Variants in TTC28 observed in about 807,000 individuals in gnomAD.
TTC28 encodes the protein tetratricopeptide repeat protein 28.
Under a neutral mutation model 198.0 loss-of-function variants are expected in TTC28, and 61 were observed. That is an observed-to-expected ratio of 0.31 (90% CI 0.25 to 0.38). The LOEUF is 0.38. TTC28 is among the 10% of genes least tolerant of loss of function. The pLI, the probability that TTC28 is intolerant of heterozygous loss-of-function variation, is 1.00. For missense variants in TTC28, 2,678 were observed against 3,164.0 expected, an observed-to-expected ratio of 0.85 and a Z score of 3.69; for synonymous variants, 1,171 against 1,297.8, an observed-to-expected ratio of 0.90 and a Z score of 2.10.
At chr22:28,522,944 C>G (rs9625489) in intron 2 of TTC28, among the ~76,000 whole-genome samples, 2,722 of 151,776 alleles carry the variant, frequency 0.018, 49 homozygotes, top group Non-Finnish European at 0.025. Context: ...TGATAAAAAT[C>G]TTCTGGAATT....
chr22:28,554,598 C>T (rs979889430), intron 2 of TTC28, among the ~76,000 whole-genome samples: 23 of 152,286 alleles, frequency 1.5e-4, no homozygotes, highest in African/African-American at 5.5e-4. Flanking sequence ...AGGTCTGGCA[C>T]AGACACTCAC....
intron 6 of TTC28, among the ~76,000 whole-genome samples, chr22:28,117,930 A>G (rs1942676166): frequency 6.6e-6 from 1 of 152,218 alleles, no homozygotes; most frequent in Non-Finnish European, 1.5e-5. Flanking sequence ...AAAAATAACT[A>G]AAAAGAGTAT....
intron 5 of TTC28, among the ~76,000 whole-genome samples, chr22:28,213,860 C>A (rs545655565): frequency 6.6e-6 from 1 of 152,110 alleles, no homozygotes; most frequent in Non-Finnish European, 1.5e-5. Flanking sequence ...GGAGGCATCA[C>A]GCTACCCGAC....
At chr22:28,580,630 C>T (rs1439656094) in intron 2 of TTC28, among the ~76,000 whole-genome samples, 3 of 152,106 alleles carry the variant, frequency 2.0e-5, no homozygotes, top group Non-Finnish European at 4.4e-5. Flanking sequence ...TTACCAAATA[C>T]CAGTAAGATA....
chr22:28,493,366 T>A (rs533755286), intron 2 of TTC28, among the ~76,000 whole-genome samples: 36 of 151,600 alleles, frequency 2.4e-4, no homozygotes, highest in African/African-American at 4.6e-4. Context: ...AAAAAAAAAA[T>A]TTTTTTAATT....
chr22:28,085,976 A>T (rs570660153), intron 12 of TTC28, among the ~76,000 whole-genome samples: 1 of 152,198 alleles, frequency 6.6e-6, no homozygotes, highest in Admixed American at 6.6e-5. Context: ...CCTAAAATAT[A>T]TATGCACCCA....
At chr22:28,509,057 G>A (rs1167282348) in intron 2 of TTC28, among the ~76,000 whole-genome samples, 1 of 152,078 alleles carries the variant, frequency 6.6e-6, no homozygotes, top group Non-Finnish European at 1.5e-5. Flanking sequence ...TGAGCACAGT[G>A]GCATGTGCCT....
In TTC28 at chr22:28,572,976, C is replaced by T. The variant is rs368538709; in HGVS notation, c.381+56576G>A. Among the ~76,000 whole-genome samples, 61 of 151,964 alleles carry T rather than the reference C, an allele frequency of 4.0e-4. No individual in the cohort carries two copies. In the East Asian group the frequency reaches 5.6e-3, roughly 14 times the overall value. Reference sequence around the variant, plus strand: ...CCAGCCTGAGCAACACAGGGAGACCCTATGTCTACAAAAAGTTAAAAAATT... The same window carrying T: ...CCAGCCTGAGCAACACAGGGAGACCTTATGTCTACAAAAAGTTAAAAAATT... On this transcript the variant is annotated intron_variant, in intron 2 of 22. Transcript: ENST00000397906.
chr22:28,653,903 TAAG>T (rs1484968131), intron 1 of TTC28, among the ~76,000 whole-genome samples: 2 of 152,244 alleles, frequency 1.3e-5, no homozygotes, highest in African/African-American at 4.8e-5. Flanking sequence ...GAAAATGACG[TAAG>T]AAGACACTTA....
chr22:28,074,583 C>G (rs927234367), intron 12 of TTC28, among the ~76,000 whole-genome samples: 2 of 152,208 alleles, frequency 1.3e-5, no homozygotes, highest in African/African-American at 4.8e-5. Flanking sequence ...GGCCCCTGCC[C>G]TATGACACAG....
intron 13 of TTC28, among the ~76,000 whole-genome samples, chr22:28,016,918 G>C (rs571466312): frequency 6.6e-6 from 1 of 152,342 alleles, no homozygotes; most frequent in Admixed American, 6.5e-5. Context: ...GTCTGGGCAG[G>C]GTACCCCTAC....
At chr22:28,382,591 A>G (rs946513326) in intron 2 of TTC28, among the ~76,000 whole-genome samples, 1 of 152,228 alleles carries the variant, frequency 6.6e-6, no homozygotes, top group Non-Finnish European at 1.5e-5. Context: ...AAATGCAACA[A>G]CATTAGATCA....
intron 12 of TTC28, among the ~76,000 whole-genome samples, chr22:28,089,811 G>T (rs1274758847): frequency 6.6e-6 from 1 of 151,350 alleles, no homozygotes; most frequent in Non-Finnish European, 1.5e-5. Flanking sequence ...CCTGTCCTTT[G>T]TAGGGACATG....
chr22:28,663,299 A>C (rs1236810070), intron 1 of TTC28, among the ~76,000 whole-genome samples: 1 of 151,582 alleles, frequency 6.6e-6, no homozygotes, highest in Non-Finnish European at 1.5e-5. Flanking sequence ...AGGAGCCAAG[A>C]TGGCCGAATA....
chr22:28,413,658 C>A lies in TTC28; in HGVS notation c.382-107015G>T, dbSNP rs193174260. ...TTAAATTTATAATGCAGGAGAAATG[C>A]CTTACATTTAAAAACACTCTGTCAA... On this transcript the variant is annotated intron_variant, in intron 2 of 22. Coordinates refer to ENST00000397906, the MANE Select transcript of TTC28 (RefSeq NM_001145418.2). Among the ~76,000 whole-genome samples, 221 of 152,058 alleles carry A rather than the reference C, an allele frequency of 1.5e-3. 2 individuals are homozygous for A. Among genetic ancestry groups the A allele is most frequent in the Non-Finnish European group, 6.5e-4 (44 of 67,986 alleles).
chr22:28,284,587 G>A (rs1200107778), intron 5 of TTC28, among the ~76,000 whole-genome samples: 3 of 151,960 alleles, frequency 2.0e-5, no homozygotes, highest in East Asian at 1.9e-4. Context: ...GGCAATCTAC[G>A]GAATGGCAGA....
At chr22:28,646,843 G>A (rs976262672) in intron 1 of TTC28, among the ~76,000 whole-genome samples, 7 of 152,096 alleles carry the variant, frequency 4.6e-5, no homozygotes, top group African/African-American at 9.7e-5. Context: ...CAGCCTGGGC[G>A]ACAGAACGAA....
intron 12 of TTC28, among the ~76,000 whole-genome samples, chr22:28,067,388 A>G (rs12166938): frequency 0.067 from 10,169 of 152,268 alleles, 394 homozygotes; most frequent in South Asian, 0.089. Context: ...GAATATTTCA[A>G]TAATTAGGTT....
chr22:28,160,912 G>A (rs1284309713), intron 6 of TTC28, among the ~76,000 whole-genome samples: 1 of 152,130 alleles, frequency 6.6e-6, no homozygotes, highest in African/African-American at 2.4e-5. Flanking sequence ...AGAAAATCAG[G>A]ACAGTGGTGT....
Sources: allele counts gnomAD v4.1 joint callset (sites outside exome capture counted in the v4.1 genomes callset), GRCh38; gene constraint gnomAD v4.1.1; transcripts MANE v1.5; gene names NCBI Gene and HGNC (gene_info 2026-07-23, HGNC 2026-07-21).